VWA8: variants seen among roughly 807,000 people sequenced by gnomAD.
VWA8 encodes von Willebrand factor A domain-containing protein 8.
VWA8 carries 221 observed loss-of-function variants against 241.5 expected under a neutral mutation model. The observed-to-expected ratio is 0.91, with a 90% confidence interval of 0.82 to 1.02. The LOEUF is 1.02. Among genes scored for constraint, VWA8 ranks in the 50% least tolerant of loss-of-function variants. The pLI is 0.00. For missense variants in VWA8, 2,322 were observed against 2,328.7 expected (o/e 1.00, Z 0.06); for synonymous variants, 852 against 827.1 (o/e 1.03, Z -0.52).
At chr13:41,868,019 G>A (rs1408474915) in intron 10 of VWA8, among the ~76,000 whole-genome samples, 1 of 152,144 alleles carries the variant, frequency 6.6e-6, no homozygotes, top group Non-Finnish European at 1.5e-5. Flanking sequence ...GATTTTACTT[G>A]AAAATAGGTC....
At chr13:41,887,509 A>C in intron 5 of VWA8, 148 bp from the exon 6 acceptor site, 1 of 872,572 alleles carries the variant, frequency 1.1e-6, no homozygotes, top group Non-Finnish European at 1.7e-6. Flanking sequence ...GAAGGCAGCA[A>C]AGTGAAATCA....
intron 28 of VWA8, 142 bp from the exon 29 acceptor site, chr13:41,699,412 G>A (rs2045235802): frequency 1.3e-6 from 1 of 774,454 alleles, no homozygotes; most frequent in Admixed American, 2.4e-5. Flanking sequence ...GGCTTGATTA[G>A]GCTGAAAAGA....
chr13:41,735,073 T>A lies in VWA8; in HGVS notation c.2427-2918A>T, dbSNP rs563347394. On this transcript the variant is annotated intron_variant, in intron 21 of 44. Coordinates refer to ENST00000379310, the MANE Select transcript of VWA8 (RefSeq NM_015058.2). ...AAGAACAAAGTTTAATTAAACTTACTTATATTAATTGTTAATATTCTAGCA... is the reference window on the plus strand; with the variant it reads ...AAGAACAAAGTTTAATTAAACTTACATATATTAATTGTTAATATTCTAGCA... Among the ~76,000 whole-genome samples, 24 of 152,364 alleles carry A rather than the reference T, an allele frequency of 1.6e-4. No homozygotes were observed. In the South Asian group the frequency reaches 5.0e-3, roughly 32 times the overall value.
intron 22 of VWA8, 110 bp from the exon 23 acceptor site, chr13:41,729,787 G>T: frequency 2.0e-4 from 115 of 569,622 alleles, no homozygotes; most frequent in Non-Finnish European, 2.6e-4. Flanking sequence ...TAAGTTACAA[G>T]TATACACGTA....
At chr13:41,892,672 C>T (rs947766358) in intron 4 of VWA8, among the ~76,000 whole-genome samples, 1 of 152,186 alleles carries the variant, frequency 6.6e-6, no homozygotes, top group Non-Finnish European at 1.5e-5. Flanking sequence ...TGGGGTCCCT[C>T]AGACCCCATG....
chr13:41,740,138 A>G (rs1232546326), intron 21 of VWA8, among the ~76,000 whole-genome samples: 1 of 152,078 alleles, frequency 6.6e-6, no homozygotes, highest in African/African-American at 2.4e-5. Context: ...TACAGGAGTG[A>G]GCCACCACAC....
At position 41,689,011 on chromosome 13, in the gene VWA8, G is replaced by T. The variant is rs144791961; in HGVS notation, c.4131+343C>A. On this transcript the variant is annotated intron_variant, in intron 34 of 44. Transcript: ENST00000379310. ...AAATAAATATATAGAATGTGTAGAT[G>T]GAAAAATAATTAACTTTAAAAAATT... Among the ~76,000 whole-genome samples the T allele has an allele frequency of 1.0e-3, 150 of 150,560 alleles. 1 individual carries two copies. The highest frequency in any genetic ancestry group is 3.5e-3 in the African/African-American group (144 of 40,992).
intron 4 of VWA8, among the ~76,000 whole-genome samples, chr13:41,895,527 G>A (rs1232083563): frequency 6.6e-6 from 1 of 152,122 alleles, no homozygotes; most frequent in Non-Finnish European, 1.5e-5. Flanking sequence ...TGGTCATACA[G>A]CAGTGCAATC....
At chr13:41,864,989 C>CAAAAAAAAAA (rs35515775) in intron 12 of VWA8, among the ~76,000 whole-genome samples, 57 of 75,078 alleles carry the variant, frequency 7.6e-4, no homozygotes, top group African/African-American at 3.0e-3. Flanking sequence ...AACTCCATCT[C>CAAAAAAAAAA]AAAAAAAAAA....
At chr13:41,740,548 C>T (rs1373927738) in intron 21 of VWA8, among the ~76,000 whole-genome samples, 1 of 152,112 alleles carries the variant, frequency 6.6e-6, no homozygotes, top group Admixed American at 6.5e-5. Flanking sequence ...AATCTTGGAC[C>T]TCATTATATC....
intron 12 of VWA8, among the ~76,000 whole-genome samples, chr13:41,863,454 TTCACA>T (rs1873136919): frequency 1.1e-5 from 1 of 94,822 alleles, no homozygotes; most frequent in African/African-American, 3.9e-5. Context: ...TATATATATA[TTCACA>T]CACACACACA....
At chr13:41,736,986 G>C (rs896281917) in intron 21 of VWA8, among the ~76,000 whole-genome samples, 9 of 151,792 alleles carry the variant, frequency 5.9e-5, no homozygotes, top group African/African-American at 9.7e-5. Flanking sequence ...TGGGATTAGA[G>C]GCATGCACCA....
chr13:41,796,895 T>G (rs934554695), intron 17 of VWA8, among the ~76,000 whole-genome samples: 8 of 152,192 alleles, frequency 5.3e-5, no homozygotes, highest in African/African-American at 1.9e-4. Flanking sequence ...CTTCTTTTGA[T>G]GTCTGATTTA....
At chr13:41,739,839 G>GTTTTTTT (rs1417524214) in intron 21 of VWA8, among the ~76,000 whole-genome samples, 2 of 43,586 alleles carry the variant, frequency 4.6e-5, no homozygotes, top group Non-Finnish European at 4.8e-5. Flanking sequence ...TTTTTTTTTT[G>GTTTTTTT]TTTTTTTTGT....
At chr13:41,611,468 CT>C in intron 39 of VWA8, 107 bp downstream of exon 39, 1 of 1,420,998 alleles carries the variant, frequency 7.0e-7, no homozygotes, top group Non-Finnish European at 9.5e-7. Flanking sequence ...GTCCGAGTTG[CT>C]GCATGAGGTG....
At position 41,615,011 on chromosome 13, in the gene VWA8, G is replaced by A; in HGVS notation, c.4685C>T (p.Pro1562Leu). 3.1e-6 allele frequency: 5 copies of A among 1,613,802 alleles called. No individual in the cohort carries two copies. The highest frequency in any genetic ancestry group is 2.5e-6 in the Non-Finnish European group (3 of 1,179,958). ...KHGKEDPDNM[P>L]HVGGNTWAGG... Reference sequence around the variant, plus strand: ...AGCCCAAGTGTTGCCGCCCACGTGAGGCATGTTGTCTGGGTCCTCCTTCCC... The same window carrying A: ...AGCCCAAGTGTTGCCGCCCACGTGAAGCATGTTGTCTGGGTCCTCCTTCCC... Residue 1562 changes from proline (P) to leucine (L), a missense_variant, in exon 38 of 45, where the codon CCT (proline) becomes CTT (leucine). Physicochemically the swap from Pro to Leu is moderately conservative, Grantham distance 98 (BLOSUM62 -3). Coordinates refer to ENST00000379310, the MANE Select transcript of VWA8 (RefSeq NM_015058.2).
chr13:41,651,410 T>C lies in VWA8; in HGVS notation c.4611+19536A>G, dbSNP rs541888237. Among the ~76,000 whole-genome samples the C allele has an allele frequency of 8.5e-5, 13 of 152,272 alleles. No homozygotes were observed. In the East Asian group the frequency reaches 2.3e-3, roughly 27 times the overall value. ...TTATCTTAGAGTGAGAATATAATAG[T>C]GTAGAAAGCAGAGGTAGACTGCCCA... is the stretch of plus-strand genomic sequence containing the variant. On this transcript the variant is annotated intron_variant, in intron 37 of 44. Transcript: ENST00000379310.
intron 2 of VWA8, among the ~76,000 whole-genome samples, chr13:41,935,411 A>G: frequency 6.6e-6 from 1 of 152,148 alleles, no homozygotes; most frequent in Non-Finnish European, 1.5e-5. Context: ...CAGGTCCTAT[A>G]AAATGAGTCC....
intron 21 of VWA8, among the ~76,000 whole-genome samples, chr13:41,759,164 G>C (rs1436984635): frequency 1.3e-5 from 2 of 151,328 alleles, no homozygotes; most frequent in Non-Finnish European, 3.0e-5. Context: ...CTCAGTTTTT[G>C]TCTGAAAATG....
Sources: allele counts gnomAD v4.1 joint callset (sites outside exome capture counted in the v4.1 genomes callset), GRCh38; gene constraint gnomAD v4.1.1; transcripts MANE v1.5; gene names NCBI Gene and HGNC (gene_info 2026-07-23, HGNC 2026-07-21).